Variants in EPHA8 observed in about 807,000 individuals in gnomAD.
EPHA8 encodes the protein ephrin type-A receptor 8.
EPHA8 carries 58 observed loss-of-function variants against 103.6 expected under a neutral mutation model. The observed-to-expected ratio is 0.56, with a 90% CI of 0.45 to 0.70. The LOEUF is 0.70. Ranked by LOEUF, EPHA8 falls within the 30% of genes least tolerant of loss-of-function variation. The pLI is 0.00. For missense variants in EPHA8, 1,304 were observed against 1,395.2 expected (o/e 0.93, Z 1.04); for synonymous variants, 559 against 572.5 (o/e 0.98, Z 0.34).
rs1197902928 is a variant in EPHA8 at position 22,603,127 on chromosome 1, C to CT, written c.*1387dup. On this transcript the variant is annotated 3_prime_UTR_variant, in exon 17 of 17. Coordinates refer to ENST00000166244, the MANE Select transcript of EPHA8 (RefSeq NM_020526.5). ...AAGCAGGAACCCCACCGTGTGCCCC[C>CT]TGCCAGCCCCAGAGGGAGTGGCGAG... The CT allele has an allele frequency of 6.6e-6, 1 of 152,522 alleles. No homozygotes were observed. Among genetic ancestry groups the CT allele is most frequent in the Non-Finnish European group, 1.5e-5 (1 of 68,054 alleles). 9.4% of individuals were successfully genotyped at this position (152,522 alleles called of 1,614,324 possible).
chr1:22,576,819 C>G lies in EPHA8; in HGVS notation c.762C>G (p.Leu254=), dbSNP rs150558842. 2.5e-6 allele frequency: 4 copies of G among 1,611,018 alleles called. No individual in the cohort carries two copies. The African/African-American group carries it at 5.3e-5, about 22-fold the overall frequency. ...KMYCSAEGEW[L]VPIGKCVCSA... ...ACTGCAGCGCGGAGGGCGAGTGGCTCGTGCCCATCGGCAAATGCGTGTGCA... is the reference window on the plus strand; with the variant it reads ...ACTGCAGCGCGGAGGGCGAGTGGCTGGTGCCCATCGGCAAATGCGTGTGCA... Residue 254 remains leucine (L), a synonymous_variant, in exon 3 of 17, where the codon CTC becomes CTG. Transcript: ENST00000166244. This position sits in a 1 kb window ranked among gnomAD's most constrained non-coding sequence, Gnocchi z 4.8.
intron 2 of EPHA8, among the ~76,000 whole-genome samples, chr1:22,574,276 G>T (rs1374122051): frequency 1.3e-5 from 2 of 152,220 alleles, no homozygotes; most frequent in African/African-American, 4.8e-5. Flanking sequence ...ACCGCGCCCG[G>T]CCAGGCATCT....
intron 2 of EPHA8, among the ~76,000 whole-genome samples, chr1:22,570,988 C>A (rs552068681): frequency 6.6e-6 from 1 of 152,346 alleles, no homozygotes; most frequent in Admixed American, 6.5e-5. Context: ...TCCCTCACTG[C>A]ATGGCGGTTG....
At chr1:22,585,899 A>G (rs913213952) in intron 3 of EPHA8, among the ~76,000 whole-genome samples, 9 of 151,998 alleles carry the variant, frequency 5.9e-5, no homozygotes, top group Non-Finnish European at 1.3e-4. Context: ...TGGGGCCAGG[A>G]ATCTGTATTT....
intron 1 of EPHA8, among the ~76,000 whole-genome samples, chr1:22,565,013 G>A (rs528975095): frequency 2.0e-5 from 3 of 152,232 alleles, no homozygotes; most frequent in African/African-American, 7.2e-5. Context: ...ACCCAGGCCT[G>A]TAGAGACTGA....
chr1:22,564,620 C>T (rs905996048), intron 1 of EPHA8, among the ~76,000 whole-genome samples: 1 of 151,966 alleles, frequency 6.6e-6, no homozygotes, highest in Non-Finnish European at 1.5e-5. Flanking sequence ...GTGGTGGGGG[C>T]ACAAGAAGAG....
At chr1:22,595,855 C>T (rs1641502468) in intron 8 of EPHA8, among the ~76,000 whole-genome samples, 1 of 152,230 alleles carries the variant, frequency 6.6e-6, no homozygotes, top group African/African-American at 2.4e-5. Context: ...GTAGACTTTG[C>T]CAAGAGGGTC....
Position 22,576,822 on chromosome 1 carries a change from G to C in EPHA8, c.765G>C (p.Val255=), listed in dbSNP as rs1484955760. ...MYCSAEGEWL[V]PIGKCVCSAG... ...GCAGCGCGGAGGGCGAGTGGCTCGT[G>C]CCCATCGGCAAATGCGTGTGCAGTG... Residue 255 remains valine, a synonymous_variant, in exon 3 of 17, where the codon GTG becomes GTC. Transcript: ENST00000166244. This position sits in a 1 kb window ranked among gnomAD's most constrained non-coding sequence, Gnocchi z 4.8. 2 of 1,610,860 alleles carry C rather than the reference G, an allele frequency of 1.2e-6. No homozygotes were observed. The highest frequency in any genetic ancestry group is 1.7e-6 in the Non-Finnish European group (2 of 1,178,794).
chr1:22,578,815 G>A (rs1199386998), intron 3 of EPHA8, among the ~76,000 whole-genome samples: 2 of 151,320 alleles, frequency 1.3e-5, no homozygotes, highest in Non-Finnish European at 2.9e-5. Flanking sequence ...GCATGTATGT[G>A]TACATGTGCA....
intron 13 of EPHA8, among the ~76,000 whole-genome samples, chr1:22,599,666 GGGA>G (rs1641630843): frequency 1.5e-5 from 1 of 66,850 alleles, no homozygotes; most frequent in African/African-American, 8.9e-5. Context: ...AAAGGAGGGA[GGGA>G]GGAAGGAGGG....
intron 9 of EPHA8, 27 bp downstream of exon 9, chr1:22,596,200 G>A (rs1382808126): frequency 1.2e-6 from 2 of 1,611,792 alleles, no homozygotes; most frequent in South Asian, 2.2e-5. Context: ...GGTGGTCTGG[G>A]GCAGAGGGAA....
At chr1:22,592,832 CG>C (rs1172476711) in intron 5 of EPHA8, among the ~76,000 whole-genome samples, 1 of 138,838 alleles carries the variant, frequency 7.2e-6, no homozygotes, top group African/African-American at 2.7e-5. Context: ...GCATGGGTGA[CG>C]CCGTCAAGGA....
At chr1:22,585,056 C>CTGTGTGTGTGTGTGTGT (rs1557568113) in intron 3 of EPHA8, among the ~76,000 whole-genome samples, 2 of 86,636 alleles carry the variant, frequency 2.3e-5, no homozygotes, top group Admixed American at 2.0e-4. Flanking sequence ...TGTGTGCGCA[C>CTGTGTGTGTGTGTGTGT]GCGTGTGTCT....
At position 22,598,950 on chromosome 1, in the gene EPHA8, G is replaced by C; in HGVS notation, c.2291G>C (p.Arg764Pro). 1 of 1,611,406 alleles carries C rather than the reference G, an allele frequency of 6.2e-7. No individual in the cohort carries two copies. Residue 764 changes from arginine (R) to proline (P), a missense_variant, in exon 13 of 17, where the codon CGC (arginine) becomes CCC (proline). Physicochemically the swap from Arg to Pro is moderately radical, Grantham distance 103. Coordinates refer to ENST00000166244, the MANE Select transcript of EPHA8 (RefSeq NM_020526.5). The surrounding 1 kb of genome is among the most constrained non-coding windows in gnomAD (Gnocchi z 5.1). ...LGYVHRDLAA[R>P]NVLVDSNLVC... ...TATGTCCACCGAGACCTGGCCGCCC[G>C]CAACGTCCTGGTTGACAGCAACCTG...
chr1:22,589,447 G>A lies in EPHA8; in HGVS notation c.1315+241G>A, dbSNP rs964341451. On this transcript the variant is annotated intron_variant, in intron 5 of 16. Transcript: ENST00000166244. This position sits in a 1 kb window ranked among gnomAD's most constrained non-coding sequence, Gnocchi z 4.3. ...TCAGAGGCAGGCTAGTGTGGCCGTC[G>A]AAAGCCTAGGTTCCAGAACTTTCCC... The A allele has an allele frequency of 5.9e-5, 88 of 1,490,486 alleles. No homozygotes were observed. Among genetic ancestry groups the A allele is most frequent in the Non-Finnish European group, 7.1e-5 (80 of 1,128,536 alleles). The allele number at this position is 1,490,486 out of a possible 1,614,324, so 92.3% of individuals were successfully genotyped here. A position where few individuals can be genotyped will look rare whatever the true frequency, so the allele number is the denominator to read the frequency against.
chr1:22,577,132 G>A (rs1205961894), intron 3 of EPHA8, among the ~76,000 whole-genome samples: 1 of 152,200 alleles, frequency 6.6e-6, no homozygotes, highest in Non-Finnish European at 1.5e-5. Context: ...CAGCGAGGCG[G>A]TGCCTTCTGT....
Position 22,597,409 on chromosome 1 carries a change from G to A in EPHA8, c.1863G>A (p.Arg621=), listed in dbSNP as rs531005316. ...CCCACACCTACGAGGAGCCAGGCCG[G>A]GCGGGCCGCAGTTTCACTCGGGAGA... ...AEPHTYEEPG[R]AGRSFTREIE... is the part of the protein sequence containing the mutation. Residue 621 remains arginine, a synonymous_variant, in exon 10 of 17, where the codon CGG becomes CGA. Coordinates refer to ENST00000166244, the MANE Select transcript of EPHA8 (RefSeq NM_020526.5). This position sits in a 1 kb window ranked among gnomAD's most constrained non-coding sequence, Gnocchi z 4.6. 10 of 1,613,544 alleles carry A rather than the reference G, an allele frequency of 6.2e-6. No homozygotes were observed. The African/African-American group carries it at 9.3e-5, about 15-fold the overall frequency.
At chr1:22,564,577 T>C (rs1477044761) in intron 1 of EPHA8, among the ~76,000 whole-genome samples, 6 of 151,832 alleles carry the variant, frequency 4.0e-5, no homozygotes, top group South Asian at 2.1e-4. Context: ...CACTGAGTCG[T>C]TGGGACCAAA....
chr1:22,601,218 G>A (rs192654590), intron 15 of EPHA8, 82 bp from the exon 16 acceptor site: 19 of 1,537,414 alleles, frequency 1.2e-5, no homozygotes, highest in South Asian at 7.7e-5. Flanking sequence ...CTGCCCTGCC[G>A]AACCCCTTCC....
Sources: gnomAD v4.1 joint callset for allele counts (sites outside exome capture counted in the v4.1 genomes callset) on GRCh38, gnomAD v4.1.1 for gene constraint, Gnocchi (gnomAD v3.1) non-coding constraint, MANE v1.5 for transcripts, NCBI Gene and HGNC (gene_info 2026-07-23, HGNC 2026-07-21) for gene names.